The following EPB41L5 variants were observed in gnomAD, a reference collection of about 807,000 sequenced individuals.
EPB41L5 encodes erythrocyte membrane protein band 4.1 like 5, also known as band 4.1-like protein 5.
In EPB41L5, 55 loss-of-function variants were observed where a neutral mutation model predicts 106.6. The ratio of observed to expected loss-of-function variants is 0.52; its 90% CI spans 0.42 to 0.65. EPB41L5 has a LOEUF of 0.65. Among genes scored for constraint, EPB41L5 ranks in the 30% least tolerant of loss-of-function variants. The pLI, the probability that EPB41L5 is intolerant of heterozygous loss-of-function variation, is 0.00. For missense variants in EPB41L5, 871 were observed against 882.1 expected, an observed-to-expected ratio of 0.99 and a Z score of 0.16; for synonymous variants, 297 against 306.7, an observed-to-expected ratio of 0.97 and a Z score of 0.33.
chr2:120,148,427 C>T (rs1347244160), intron 20 of EPB41L5, among the ~76,000 whole-genome samples: 2 of 151,564 alleles, frequency 1.3e-5, no homozygotes, highest in African/African-American at 2.4e-5. Flanking sequence ...CTAAGGTCTT[C>T]ATACTCACTA....
chr2:120,095,308 C>G (rs1378424877), intron 14 of EPB41L5, among the ~76,000 whole-genome samples: 6 of 152,024 alleles, frequency 3.9e-5, no homozygotes, highest in Non-Finnish European at 8.8e-5. Flanking sequence ...GTAAATATTG[C>G]CAGTCCAGTT....
At chr2:120,063,014 C>G (rs902747671) in intron 3 of EPB41L5, among the ~76,000 whole-genome samples, 2 of 151,950 alleles carry the variant, frequency 1.3e-5, no homozygotes, top group African/African-American at 2.4e-5. Context: ...GTGAGTTCGA[C>G]TATATTGTAA....
At chr2:120,109,302 C>T (rs1558882766) in intron 16 of EPB41L5, among the ~76,000 whole-genome samples, 1 of 152,140 alleles carries the variant, frequency 6.6e-6, no homozygotes, top group Non-Finnish European at 1.5e-5. Flanking sequence ...TATTACATTT[C>T]CTTAATCTAT....
chr2:120,046,877 A>C (rs1377184210), intron 3 of EPB41L5, among the ~76,000 whole-genome samples: 1 of 152,174 alleles, frequency 6.6e-6, no homozygotes, highest in East Asian at 1.9e-4. Flanking sequence ...CTTTCTACAT[A>C]TGGCTAGCCA....
At chr2:120,093,944 G>T (rs1469220726) in intron 14 of EPB41L5, among the ~76,000 whole-genome samples, 1 of 152,118 alleles carries the variant, frequency 6.6e-6, no homozygotes, top group Non-Finnish European at 1.5e-5. Flanking sequence ...TCTTATGAGA[G>T]ATCTGTTCAG....
chr2:120,141,049 G>A (rs537332028), intron 18 of EPB41L5, among the ~76,000 whole-genome samples: 2 of 152,230 alleles, frequency 1.3e-5, no homozygotes, highest in South Asian at 4.1e-4. Context: ...ACTACTGACA[G>A]CAGAGTTGAC....
chr2:120,163,960 T>TTTTTA (rs70949386), intron 21 of EPB41L5, among the ~76,000 whole-genome samples: 92,640 of 129,582 alleles, frequency 0.71, 33,831 homozygotes, highest in Non-Finnish European at 0.78. Context: ...AAACAACTTT[T>TTTTTA]TTTTATTTTT....
intron 3 of EPB41L5, among the ~76,000 whole-genome samples, chr2:120,067,877 G>T (rs1681554345): frequency 6.6e-6 from 1 of 152,106 alleles, no homozygotes; most frequent in Non-Finnish European, 1.5e-5. Context: ...TAACAGTTTT[G>T]CAAGAGTCAT....
intron 10 of EPB41L5, among the ~76,000 whole-genome samples, chr2:120,082,380 A>G (rs1357464543): frequency 2.6e-5 from 4 of 152,182 alleles, no homozygotes; most frequent in African/African-American, 4.8e-5. Context: ...GGTTTTTGTC[A>G]TTAGTTCTGT....
chr2:120,058,251 T>G (rs1680791922), intron 3 of EPB41L5, among the ~76,000 whole-genome samples: 1 of 152,148 alleles, frequency 6.6e-6, no homozygotes, highest in Non-Finnish European at 1.5e-5. Flanking sequence ...AGTGGCATGA[T>G]CAGAGCTCAC....
At chr2:120,130,907 C>A (rs1447058343) in intron 17 of EPB41L5, among the ~76,000 whole-genome samples, 1 of 152,160 alleles carries the variant, frequency 6.6e-6, no homozygotes, top group Non-Finnish European at 1.5e-5. Flanking sequence ...AGGCATTCAA[C>A]CTTTTTTGTC....
intron 24 of EPB41L5, among the ~76,000 whole-genome samples, chr2:120,172,600 A>G (rs1356679719): frequency 6.6e-6 from 1 of 152,202 alleles, no homozygotes; most frequent in Non-Finnish European, 1.5e-5. Flanking sequence ...TCCCTAAAAT[A>G]TATACTTTCC....
At chr2:120,063,340 C>CAA (rs1174086865) in intron 3 of EPB41L5, among the ~76,000 whole-genome samples, 24 of 55,976 alleles carry the variant, frequency 4.3e-4, no homozygotes, top group African/African-American at 9.9e-4. Context: ...GACTTTGTCT[C>CAA]AAAAAAAAAA....
chr2:120,098,332 C>T (rs565549097), intron 14 of EPB41L5, among the ~76,000 whole-genome samples: 9 of 152,074 alleles, frequency 5.9e-5, no homozygotes, highest in African/African-American at 2.2e-4. Flanking sequence ...GCCTCAGCCT[C>T]CAAAGTATCT....
Position 120,109,377 on chromosome 2 carries a change from A to G in EPB41L5, c.1337+8563A>G, listed in dbSNP as rs529189635. ...AAACCACTTCCTCCTCTTACAAACC[A>G]CTTCCTCCCTTCCTACTCTGTTCTC... is the stretch of plus-strand genomic sequence containing the variant. On this transcript the variant is annotated intron_variant, in intron 16 of 24. Coordinates refer to ENST00000263713, the MANE Select transcript of EPB41L5 (RefSeq NM_020909.4). Among the ~76,000 whole-genome samples the G allele has an allele frequency of 2.6e-5, 4 of 151,948 alleles. No individual in the cohort carries two copies. In the East Asian group the frequency reaches 7.7e-4, roughly 29 times the overall value.
At position 120,151,668 on chromosome 2, in the gene EPB41L5, A is replaced by G. The variant is rs577445672; in HGVS notation, c.1793+5379A>G. ...TCTTGCTCTTGTCACCCAGGCTGGAATGCAATGGCGCGATTTTGGTTCACT... is the reference window on the plus strand; with the variant it reads ...TCTTGCTCTTGTCACCCAGGCTGGAGTGCAATGGCGCGATTTTGGTTCACT... On this transcript the variant is annotated intron_variant, in intron 20 of 24. Coordinates refer to ENST00000263713, the MANE Select transcript of EPB41L5 (RefSeq NM_020909.4). 2.9e-3 allele frequency among the ~76,000 whole-genome samples: 426 copies of G among 146,168 alleles called. 2 individuals are homozygous for G. The highest frequency in any genetic ancestry group is 0.011 in the African/African-American group (414 of 39,240).
chr2:120,105,688 G>A (rs1033704786), intron 16 of EPB41L5: 3 of 985,190 alleles, frequency 3.0e-6, no homozygotes, highest in Non-Finnish European at 3.6e-6. Context: ...TAAATAGCCC[G>A]GCTCCCACCT....
At chr2:120,123,498 T>C (rs937403282) in intron 16 of EPB41L5, among the ~76,000 whole-genome samples, 1 of 152,190 alleles carries the variant, frequency 6.6e-6, no homozygotes, top group African/African-American at 2.4e-5. Flanking sequence ...TAGCTCATCA[T>C]TTATAGATAT....
At chr2:120,036,165 C>A (rs1415344364) in intron 2 of EPB41L5, among the ~76,000 whole-genome samples, 1 of 152,132 alleles carries the variant, frequency 6.6e-6, no homozygotes, top group Non-Finnish European at 1.5e-5. Flanking sequence ...CTCTAAAAAT[C>A]CTTATCCTTA....
Sources: allele counts gnomAD v4.1 joint callset (sites outside exome capture counted in the v4.1 genomes callset), GRCh38; gene constraint gnomAD v4.1.1; transcripts MANE v1.5; gene names NCBI Gene and HGNC (gene_info 2026-07-23, HGNC 2026-07-21).